Variants in PCDH17 observed in about 807,000 individuals in gnomAD.
The protein encoded by PCDH17 is protocadherin-17.
In PCDH17, 21 loss-of-function variants were observed where a neutral mutation model predicts 67.7. That is an observed-to-expected ratio of 0.31 (90% CI 0.22 to 0.45). The LOEUF (loss-of-function observed/expected upper bound fraction) is 0.45. Ranked by LOEUF, PCDH17 falls within the 20% of genes least tolerant of loss-of-function variation. The pLI is 1.00. For missense variants in PCDH17, 1,471 were observed against 1,564.8 expected, an observed-to-expected ratio of 0.94 and a Z score of 1.01; for synonymous variants, 701 against 656.7, an observed-to-expected ratio of 1.07 and a Z score of -1.03.
chr13:57,659,412 T>C (rs1206979103), intron 1 of PCDH17, among the ~76,000 whole-genome samples: 2 of 152,126 alleles, frequency 1.3e-5, no homozygotes, highest in East Asian at 3.9e-4. Flanking sequence ...GAAATCCAAG[T>C]GTTGCATTAA....
In PCDH17 at chr13:57,692,916, G is replaced by A. The variant is rs550623890; in HGVS notation, c.2797+26083G>A. On this transcript the variant is annotated intron_variant, in intron 3 of 3. Coordinates refer to ENST00000377918, the MANE Select transcript of PCDH17 (RefSeq NM_001040429.3). Reference sequence around the variant, plus strand: ...TTTGAATTTTTATTTATTTGAACTTGTTTTAGAATTAAGTTATTGTATGCC... The same window carrying A: ...TTTGAATTTTTATTTATTTGAACTTATTTTAGAATTAAGTTATTGTATGCC... Among the ~76,000 whole-genome samples the A allele has an allele frequency of 2.3e-4, 34 of 151,010 alleles. 1 individual carries two copies. The South Asian group carries it at 5.2e-3, about 23-fold the overall frequency.
intron 3 of PCDH17, among the ~76,000 whole-genome samples, chr13:57,689,446 A>G (rs1233859936): frequency 2.0e-5 from 3 of 152,046 alleles, no homozygotes; most frequent in Non-Finnish European, 4.4e-5. Context: ...ATTGGACTTC[A>G]TAGAAAATGG....
At chr13:57,689,868 A>C (rs200449960) in intron 3 of PCDH17, among the ~76,000 whole-genome samples, 3 of 151,872 alleles carry the variant, frequency 2.0e-5, no homozygotes, top group Non-Finnish European at 4.4e-5. Flanking sequence ...ACATTTTATA[A>C]TTACTTTTAT....
chr13:57,685,405 A>G (rs1253354541), intron 3 of PCDH17, among the ~76,000 whole-genome samples: 2 of 151,950 alleles, frequency 1.3e-5, no homozygotes, highest in African/African-American at 2.4e-5. Flanking sequence ...GTCAACAGCT[A>G]TTTGTGCCAC....
At position 57,633,879 on chromosome 13, in the gene PCDH17, C is replaced by G; in HGVS notation, c.1333C>G (p.Arg445Gly). The G allele has an allele frequency of 6.2e-7, 1 of 1,613,106 alleles. No individual in the cohort carries two copies. The highest frequency in any genetic ancestry group is 8.5e-7 in the Non-Finnish European group (1 of 1,180,016). The change falls in exon 1 of 4, where the codon CGG becomes GGG. Residue 445 changes from arginine to glycine, a missense_variant. By Grantham distance (125) the Arg-to-Gly change is moderately radical. This residue lies in a region of PCDH17 where 1,163 missense variants were observed against 1,230.0 expected (regional missense o/e 0.95). Transcript: ENST00000377918. The surrounding 1 kb of genome is among the most constrained non-coding windows in gnomAD (Gnocchi z 6.2). ...QDEYNVTIVA[R>G]DGGSPPLNST... ...CGAGTACAACGTGACCATCGTGGCG[C>G]GGGACGGGGGCTCTCCTCCCCTCAA... is the stretch of plus-strand genomic sequence containing the variant.
intron 3 of PCDH17, among the ~76,000 whole-genome samples, chr13:57,719,847 G>A (rs1391848014): frequency 6.6e-6 from 1 of 151,838 alleles, no homozygotes; most frequent in Non-Finnish European, 1.5e-5. Context: ...GTTCAACTGA[G>A]GCACTTAGTC....
Position 57,726,242 on chromosome 13 carries a change from T to C in PCDH17, c.*948T>C, listed in dbSNP as rs1955915674. ...CAGGAAAGTGAAAATGTCTTAGACA[T>C]ACGCAAGTCACATGACCATTTAAAT... On this transcript the variant is annotated 3_prime_UTR_variant, in exon 4 of 4. Coordinates refer to ENST00000377918, the MANE Select transcript of PCDH17 (RefSeq NM_001040429.3). 1 of 152,748 alleles carries C rather than the reference T, an allele frequency of 6.5e-6. No homozygotes were observed. The highest frequency in any genetic ancestry group is 3.4e-3 in the Middle Eastern group (1 of 294). The allele number at this position is 152,748 out of a possible 1,614,324, so 9.5% of individuals were successfully genotyped here.
chr13:57,696,003 A>T (rs1189638013), intron 3 of PCDH17, among the ~76,000 whole-genome samples: 3 of 151,362 alleles, frequency 2.0e-5, no homozygotes, highest in African/African-American at 7.2e-5. Flanking sequence ...CAGGACCCTC[A>T]TTTGAAATCC....
rs372984943 is a variant in PCDH17 at position 57,633,833 on chromosome 13, G to A, written c.1287G>A (p.Pro429=). The A allele has an allele frequency of 5.0e-6, 8 of 1,612,300 alleles. No homozygotes were observed. The South Asian group carries it at 8.8e-5, about 18-fold the overall frequency. Residue 429 remains proline, a synonymous_variant, in exon 1 of 4, where the codon CCG becomes CCA. Coordinates refer to ENST00000377918, the MANE Select transcript of PCDH17 (RefSeq NM_001040429.3). The surrounding 1 kb of genome is among the most constrained non-coding windows in gnomAD (Gnocchi z 6.2). ...DNFYTVVTDR[P]LDRETQDEYN... ...TCTACACGGTGGTGACTGACCGCCC[G>A]CTGGACCGCGAGACACAAGACGAGT...
intron 3 of PCDH17, among the ~76,000 whole-genome samples, chr13:57,706,621 A>G (rs1299471668): frequency 2.0e-5 from 3 of 152,096 alleles, no homozygotes; most frequent in Non-Finnish European, 2.9e-5. Context: ...ATTTCATCCC[A>G]TCTCTGTCCT....
intron 3 of PCDH17, among the ~76,000 whole-genome samples, chr13:57,672,925 A>G (rs567078578): frequency 6.6e-6 from 1 of 152,154 alleles, no homozygotes; most frequent in East Asian, 1.9e-4. Flanking sequence ...AACCGGGTAT[A>G]GGGAGAAGGC....
chr13:57,656,279 A>G (rs1955102090), intron 1 of PCDH17, among the ~76,000 whole-genome samples: 1 of 152,186 alleles, frequency 6.6e-6, no homozygotes, highest in Non-Finnish European at 1.5e-5. Flanking sequence ...GCATGTCCAT[A>G]GTAGCTAAAT....
intron 3 of PCDH17, among the ~76,000 whole-genome samples, chr13:57,678,262 T>G (rs1955414124): frequency 6.6e-6 from 1 of 151,524 alleles, no homozygotes; most frequent in Non-Finnish European, 1.5e-5. Flanking sequence ...TCCTCCTGTT[T>G]CAAGAAAACG....
chr13:57,719,051 A>G (rs1334519643), intron 3 of PCDH17, among the ~76,000 whole-genome samples: 1 of 151,982 alleles, frequency 6.6e-6, no homozygotes, highest in Non-Finnish European at 1.5e-5. Context: ...CAGACCGTAA[A>G]TAGAGATGAG....
chr13:57,672,911 C>T (rs1434916955), intron 3 of PCDH17, among the ~76,000 whole-genome samples: 1 of 151,964 alleles, frequency 6.6e-6, no homozygotes, highest in Non-Finnish European at 1.5e-5. Context: ...GAGTTTACTT[C>T]TGTAACCGGG....
intron 1 of PCDH17, among the ~76,000 whole-genome samples, chr13:57,646,316 A>G (rs916064610): frequency 6.6e-6 from 1 of 151,654 alleles, no homozygotes; most frequent in Non-Finnish European, 1.5e-5. Context: ...GACATCCACA[A>G]CTTTCAGAGG....
At chr13:57,719,626 A>T (rs1955856742) in intron 3 of PCDH17, among the ~76,000 whole-genome samples, 1 of 152,146 alleles carries the variant, frequency 6.6e-6, no homozygotes, top group South Asian at 2.1e-4. Context: ...GTCACAAATT[A>T]CTTTTGTAGT....
intron 3 of PCDH17, among the ~76,000 whole-genome samples, chr13:57,711,935 G>A (rs1955780526): frequency 6.6e-6 from 1 of 150,958 alleles, no homozygotes; most frequent in South Asian, 2.1e-4. Flanking sequence ...TTATATTTGG[G>A]ATTTTATGCA....
chr13:57,668,092 A>G (rs1251433079), intron 3 of PCDH17, among the ~76,000 whole-genome samples: 1 of 151,866 alleles, frequency 6.6e-6, no homozygotes, highest in African/African-American at 2.4e-5. Context: ...TTGTTTTAAA[A>G]ATTATTTTTA....
Sources: gnomAD v4.1 joint callset for allele counts (sites outside exome capture counted in the v4.1 genomes callset) on GRCh38, gnomAD v4.1.1 for gene constraint, gnomAD v4.1.1 regional missense constraint, Gnocchi (gnomAD v3.1) non-coding constraint, MANE v1.5 for transcripts, NCBI Gene and HGNC (gene_info 2026-07-23, HGNC 2026-07-21) for gene names.